NHERF1: variants seen among roughly 807,000 people sequenced by gnomAD.
NHERF1 encodes NHERF family PDZ scaffold protein 1.
the NHERF1 span, chr17:74,768,089 T>TC: frequency 3.4e-6 from 4 of 1,188,512 alleles, no homozygotes; most frequent in Non-Finnish European, 5.1e-6. Context: ...GCTCCCTCCC[T>TC]CCTCAGGACC....
At chr17:74,768,592 G>A in the NHERF1 span, 58 of 1,613,966 alleles carry the variant, frequency 3.6e-5, 1 homozygote, top group South Asian at 4.3e-4. Context: ...CACCAGAAAC[G>A]CAGCAGCAAA....
At chr17:74,757,373 C>G in the NHERF1 span, among the ~76,000 whole-genome samples, 8 of 152,124 alleles carry the variant, frequency 5.3e-5, no homozygotes, top group African/African-American at 1.9e-4. Flanking sequence ...CCAACATTCC[C>G]CTGCCGCCCG....
At chr17:74,756,273 C>CTTTTTTTTTTTTTTTTTTTTTTTTTT in the NHERF1 span, among the ~76,000 whole-genome samples, 6 of 71,992 alleles carry the variant, frequency 8.3e-5, no homozygotes, top group Admixed American at 2.1e-4. Context: ...TTCTTTCTTT[C>CTTTTTTTTTTTTTTTTTTTTTTTTTT]TTTTTTTTTT....
At chr17:74,763,808 C>T in the NHERF1 span, among the ~76,000 whole-genome samples, 1 of 152,222 alleles carries the variant, frequency 6.6e-6, no homozygotes, top group Admixed American at 6.5e-5. Flanking sequence ...GCTGCAGCCC[C>T]AAAGGAGGCC....
At chr17:74,749,178 T>TGCGCGG in the NHERF1 span, 4 of 1,531,894 alleles carry the variant, frequency 2.6e-6, no homozygotes, top group Admixed American at 8.0e-5. The surrounding 1 kb of genome is among the most constrained non-coding windows in gnomAD (Gnocchi z 5.6). Context: ...GAGGAGCTGC[T>TGCGCGG]GCGCGCCCAG....
At chr17:74,750,049 GAAGAAA>G in the NHERF1 span, among the ~76,000 whole-genome samples, 2 of 152,224 alleles carry the variant, frequency 1.3e-5, no homozygotes, top group Non-Finnish European at 2.9e-5. Context: ...GACCTTGGAA[GAAGAAA>G]AAGATGGCCA....
chr17:74,768,733 C>T, the NHERF1 span: 10 of 1,294,772 alleles, frequency 7.7e-6, no homozygotes, highest in Non-Finnish European at 1.0e-5. Context: ...CCCAATTACT[C>T]CCCTGAATCA....
At chr17:74,766,515 TG>T in the NHERF1 span, among the ~76,000 whole-genome samples, 1 of 152,060 alleles carries the variant, frequency 6.6e-6, no homozygotes, top group African/African-American at 2.4e-5. Flanking sequence ...GACATTTTTT[TG>T]TTTTTTTTAA....
chr17:74,767,541 G>A, the NHERF1 span, among the ~76,000 whole-genome samples: 1 of 152,358 alleles, frequency 6.6e-6, no homozygotes, highest in South Asian at 2.1e-4. Flanking sequence ...TGCAGGGTCT[G>A]CTTAAAGGTT....
the NHERF1 span, among the ~76,000 whole-genome samples, chr17:74,760,532 C>T: frequency 2.7e-5 from 4 of 150,870 alleles, no homozygotes; most frequent in Non-Finnish European, 5.9e-5. The surrounding 1 kb of genome is among the most constrained non-coding windows in gnomAD (Gnocchi z 4.5). Flanking sequence ...CAGATGGTGG[C>T]GGCCTCCTGG....
chr17:74,756,888 T>A, the NHERF1 span, among the ~76,000 whole-genome samples: 1 of 152,248 alleles, frequency 6.6e-6, no homozygotes, highest in Non-Finnish European at 1.5e-5. Flanking sequence ...ACTTCAGTGT[T>A]GAGCCCCAAT....
the NHERF1 span, among the ~76,000 whole-genome samples, chr17:74,752,533 C>G: frequency 6.6e-6 from 1 of 151,934 alleles, no homozygotes; most frequent in Non-Finnish European, 1.5e-5. Context: ...GAGACAGATT[C>G]CACCCAGGCT....
At chr17:74,756,273 CTTTTT>C in the NHERF1 span, among the ~76,000 whole-genome samples, 6 of 72,016 alleles carry the variant, frequency 8.3e-5, no homozygotes, top group East Asian at 4.1e-4. Context: ...TTCTTTCTTT[CTTTTT>C]TTTTTTTTTT....
At chr17:74,750,217 C>G in the NHERF1 span, among the ~76,000 whole-genome samples, 22 of 152,188 alleles carry the variant, frequency 1.4e-4, no homozygotes, top group Admixed American at 2.6e-4. Flanking sequence ...TTGGTGTTTG[C>G]CCATGGGATC....
At chr17:74,768,139 T>C in the NHERF1 span, 1 of 1,601,136 alleles carries the variant, frequency 6.2e-7, no homozygotes, top group South Asian at 1.1e-5. Context: ...CCCTCTCCTC[T>C]CTGCCAGGAG....
chr17:74,751,161 A>T, the NHERF1 span, among the ~76,000 whole-genome samples: 1 of 152,064 alleles, frequency 6.6e-6, no homozygotes, highest in Non-Finnish European at 1.5e-5. This position sits in a 1 kb window ranked among gnomAD's most constrained non-coding sequence, Gnocchi z 4.3. Flanking sequence ...CTAAATGCTG[A>T]ACTGCACTCC....
the NHERF1 span, among the ~76,000 whole-genome samples, chr17:74,767,316 G>A: frequency 2.2e-5 from 3 of 135,448 alleles, no homozygotes; most frequent in Non-Finnish European, 4.8e-5. Context: ...CCGGGCCCCT[G>A]CTACTTCTAG....
the NHERF1 span, chr17:74,768,862 A>G: frequency 3.5e-6 from 2 of 578,568 alleles, no homozygotes; most frequent in Admixed American, 6.3e-5. Flanking sequence ...CAGAAAGGAG[A>G]CTCTGCCTCC....
chr17:74,762,105 A>G, the NHERF1 span: 1 of 1,614,178 alleles, frequency 6.2e-7, no homozygotes, highest in South Asian at 1.1e-5. The surrounding 1 kb of genome is among the most constrained non-coding windows in gnomAD (Gnocchi z 4.2). Flanking sequence ...AGGCCAGTTC[A>G]TCCGGTCAGT....
Sources: allele counts gnomAD v4.1 joint callset (sites outside exome capture counted in the v4.1 genomes callset), GRCh38; gene constraint gnomAD v4.1.1; non-coding constraint Gnocchi (gnomAD v3.1); transcripts MANE v1.5; gene names NCBI Gene and HGNC (gene_info 2026-07-23, HGNC 2026-07-21).